SNX18: variants seen among roughly 807,000 people sequenced by gnomAD.
The protein encoded by SNX18 is sorting nexin 18.
Under a neutral mutation model 48.7 loss-of-function variants are expected in SNX18, and 35 were observed. That is an observed-to-expected ratio of 0.72 (90% CI 0.55 to 0.95). SNX18 has a LOEUF of 0.95. SNX18 is among the 40% of genes least tolerant of loss of function. The pLI, the probability that SNX18 is intolerant of heterozygous loss-of-function variation, is 0.00. For synonymous variants in SNX18, 492 were observed against 384.7 expected (o/e 1.28, Z -3.26); for missense variants, 824 against 871.0 (o/e 0.95, Z 0.68).
At chr5:54,575,885 G>C in the SNX18 span, among the ~76,000 whole-genome samples, 1 of 152,082 alleles carries the variant, frequency 6.6e-6, no homozygotes, top group Non-Finnish European at 1.5e-5. Flanking sequence ...CCTGCCACTA[G>C]TCCAGACCCT....
chr5:54,624,416 A>AT, the SNX18 span, among the ~76,000 whole-genome samples: 1 of 152,158 alleles, frequency 6.6e-6, no homozygotes, highest in Non-Finnish European at 1.5e-5. Flanking sequence ...TTTTACAGGG[A>AT]TTTTACTTTT....
the SNX18 span, among the ~76,000 whole-genome samples, chr5:54,566,710 C>T: frequency 1.3e-5 from 2 of 152,330 alleles, no homozygotes; most frequent in East Asian, 3.9e-4. Context: ...AATTGCCTCT[C>T]ACCTTCCATT....
At chr5:54,619,613 G>A in the SNX18 span, among the ~76,000 whole-genome samples, 3 of 152,128 alleles carry the variant, frequency 2.0e-5, no homozygotes, top group Non-Finnish European at 2.9e-5. Context: ...CTTTTTCTAG[G>A]TGGAGAGGAG....
the SNX18 span, among the ~76,000 whole-genome samples, chr5:54,596,343 G>C: frequency 6.6e-5 from 10 of 152,160 alleles, no homozygotes; most frequent in Admixed American, 2.6e-4. Context: ...TACCAAAACA[G>C]ACTCTTTGGG....
downstream of SNX18, among the ~76,000 whole-genome samples, chr5:54,551,504 C>A (rs985279874): frequency 4.6e-5 from 7 of 152,198 alleles, no homozygotes; most frequent in African/African-American, 1.7e-4. Context: ...GGGCTAACAT[C>A]ATTTCTTTTT....
At chr5:54,593,768 A>G in the SNX18 span, among the ~76,000 whole-genome samples, 3 of 152,230 alleles carry the variant, frequency 2.0e-5, no homozygotes, top group African/African-American at 4.8e-5. Flanking sequence ...CAGAGGTGCT[A>G]AGGTAATTCC....
At chr5:54,567,361 G>A in the SNX18 span, among the ~76,000 whole-genome samples, 15 of 151,914 alleles carry the variant, frequency 9.9e-5, no homozygotes, top group South Asian at 4.1e-4. Flanking sequence ...GAGGTGGAGC[G>A]TGAAGGATCC....
the SNX18 span, among the ~76,000 whole-genome samples, chr5:54,614,917 A>G: frequency 6.6e-6 from 1 of 152,352 alleles, no homozygotes; most frequent in South Asian, 2.1e-4. Context: ...AAACTTCTTA[A>G]CAACACCCTA....
intron 1 of SNX18, among the ~76,000 whole-genome samples, chr5:54,528,166 ATT>A (rs1349082839): frequency 6.8e-6 from 1 of 146,928 alleles, no homozygotes; most frequent in Non-Finnish European, 1.5e-5. Flanking sequence ...ACACACACAC[ATT>A]TTCCTCATTA....
intron 1 of SNX18, among the ~76,000 whole-genome samples, chr5:54,532,967 C>T (rs1009998699): frequency 6.6e-6 from 1 of 152,096 alleles, no homozygotes; most frequent in Admixed American, 6.5e-5. Flanking sequence ...TAGGTGATTG[C>T]TGAATGAAGC....
the SNX18 span, among the ~76,000 whole-genome samples, chr5:54,560,544 G>A: frequency 3.3e-5 from 5 of 152,172 alleles, no homozygotes; most frequent in Non-Finnish European, 7.3e-5. Context: ...ATACCTGAGT[G>A]ATGAAATAGT....
At chr5:54,620,353 C>T in the SNX18 span, among the ~76,000 whole-genome samples, 1 of 152,096 alleles carries the variant, frequency 6.6e-6, no homozygotes, top group Non-Finnish European at 1.5e-5. Context: ...GAGGAGGCTG[C>T]CTTGAGAGAA....
the SNX18 span, among the ~76,000 whole-genome samples, chr5:54,632,204 C>T: frequency 6.6e-6 from 1 of 152,320 alleles, no homozygotes; most frequent in Non-Finnish European, 1.5e-5. Flanking sequence ...CTCTGGCTCC[C>T]CTGCTACCTC....
Position 54,517,990 on chromosome 5 carries a change from C to T in SNX18, c.38C>T (p.Ser13Leu). 1.3e-6 allele frequency: 2 copies of T among 1,540,452 alleles called. No individual in the cohort carries two copies. The highest frequency in any genetic ancestry group is 1.7e-6 in the Non-Finnish European group (2 of 1,145,602). The change falls in exon 1 of 2, where the codon TCG becomes TTG. Residue 13 changes from serine to leucine, a missense_variant. Physicochemically the swap from Ser to Leu is moderately radical, Grantham distance 145 (BLOSUM62 -2). Around this residue, in one of 3 missense-constraint regions of SNX18, gnomAD observed 377 missense variants for 350.6 expected, o/e 1.08. Coordinates refer to ENST00000381410, the MANE Select transcript of SNX18 (RefSeq NM_001102575.2). ...GCCCGGGCGCTGTACGACTTCAGGT[C>T]GGAGAACCCAGGAGAGATCTCGCTG... ...LRARALYDFR[S>L]ENPGEISLRE...
At chr5:54,615,335 C>A in the SNX18 span, among the ~76,000 whole-genome samples, 1 of 152,328 alleles carries the variant, frequency 6.6e-6, no homozygotes, top group South Asian at 2.1e-4. Context: ...AGTCTACCCA[C>A]CCTAGACTAG....
Position 54,517,990 on chromosome 5 carries a change from C to G in SNX18, c.38C>G (p.Ser13Trp). 4.5e-6 allele frequency: 7 copies of G among 1,540,452 alleles called. No homozygotes were observed. Among genetic ancestry groups the G allele is most frequent in the Non-Finnish European group, 6.1e-6 (7 of 1,145,602 alleles). Residue 13 changes from serine (S) to tryptophan (W), a missense_variant, in exon 1 of 2, where the codon TCG becomes TGG. This residue lies in a region of SNX18 where 377 missense variants were observed against 350.6 expected (regional missense o/e 1.08). Transcript: ENST00000381410. ...GCCCGGGCGCTGTACGACTTCAGGT[C>G]GGAGAACCCAGGAGAGATCTCGCTG... ...LRARALYDFRSENPGEISLRE... is the reference protein window; with the variant it reads ...LRARALYDFRWENPGEISLRE...
the SNX18 span, among the ~76,000 whole-genome samples, chr5:54,633,385 C>G: frequency 6.6e-6 from 1 of 152,096 alleles, no homozygotes; most frequent in East Asian, 1.9e-4. Flanking sequence ...GATCCTGAGT[C>G]TTGGTTTCCG....
chr5:54,557,708 G>A, the SNX18 span, among the ~76,000 whole-genome samples: 1 of 152,286 alleles, frequency 6.6e-6, no homozygotes, highest in South Asian at 2.1e-4. Context: ...CAACATGAAT[G>A]TACTTAATAT....
chr5:54,588,096 T>G, the SNX18 span, among the ~76,000 whole-genome samples: 1 of 152,120 alleles, frequency 6.6e-6, no homozygotes, highest in African/African-American at 2.4e-5. Flanking sequence ...CTGACACCAG[T>G]ACTCAGTGGC....
Sources: gnomAD v4.1 joint callset for allele counts (sites outside exome capture counted in the v4.1 genomes callset) on GRCh38, gnomAD v4.1.1 for gene constraint, gnomAD v4.1.1 regional missense constraint, MANE v1.5 for transcripts, NCBI Gene and HGNC (gene_info 2026-07-23, HGNC 2026-07-21) for gene names.